The following NSD2 variants were observed in gnomAD, a reference collection of about 807,000 sequenced individuals.
NSD2 encodes nuclear receptor binding SET domain protein 2, also known as histone-lysine N-methyltransferase NSD2.
NSD2 carries 12 observed loss-of-function variants against 139.0 expected under a neutral mutation model. The observed-to-expected ratio is 0.09, with a 90% CI of 0.06 to 0.14. The LOEUF (loss-of-function observed/expected upper bound fraction) is 0.14, where lower values mean the gene tolerates loss of function less well. NSD2 is among the 10% of genes least tolerant of loss of function. The pLI, the probability that NSD2 is intolerant of heterozygous loss-of-function variation, is 1.00. For synonymous variants in NSD2, 669 were observed against 648.7 expected, an observed-to-expected ratio of 1.03 and a Z score of -0.48; for missense variants, 1,155 against 1,745.0, an observed-to-expected ratio of 0.66 and a Z score of 6.02.
intron 3 of NSD2, among the ~76,000 whole-genome samples, chr4:1,906,640 TTCTC>T (rs1325263180): frequency 4.0e-5 from 6 of 149,924 alleles, no homozygotes; most frequent in South Asian, 2.1e-4. Context: ...CCATTTTTAC[TTCTC>T]TCTCTCTCTC....
At chr4:1,965,051 C>CAAAAAAA (rs555374240) in intron 18 of NSD2, among the ~76,000 whole-genome samples, 5 of 47,176 alleles carry the variant, frequency 1.1e-4, no homozygotes, top group African/African-American at 2.3e-4. Context: ...CAGTGTTCAG[C>CAAAAAAA]AAAAAAAAAA....
intron 9 of NSD2, chr4:1,945,925 C>G (rs768846522): frequency 1.9e-4 from 206 of 1,057,472 alleles, no homozygotes; most frequent in Non-Finnish European, 2.2e-4. Flanking sequence ...TCTCTAACAT[C>G]TAGCCCTTTT....
rs1560836997 is a variant in NSD2, at chr4:1,980,542, T to G, written c.*1633T>G. On this transcript the variant is annotated 3_prime_UTR_variant, in exon 22 of 22. Coordinates refer to ENST00000508803, the MANE Select transcript of NSD2 (RefSeq NM_001042424.3). Reference sequence around the variant, plus strand: ...GCATCTTTTATGCCTTGGTAAAAACTGCAGTGTCTTTGGACCTGAGAGTGG... The same window carrying G: ...GCATCTTTTATGCCTTGGTAAAAACGGCAGTGTCTTTGGACCTGAGAGTGG... 4.3e-6 allele frequency: 1 copy of G among 233,248 alleles called. No homozygotes were observed. Among genetic ancestry groups the G allele is most frequent in the African/African-American group, 2.2e-5 (1 of 45,476 alleles). The allele number at this position is 233,248 out of a possible 1,614,324, so 14.4% of individuals were successfully genotyped here. A position where few individuals can be genotyped will look rare whatever the true frequency, so the allele number is the denominator to read the frequency against.
At chr4:1,969,366 A>G (rs1726203165) in intron 18 of NSD2, among the ~76,000 whole-genome samples, 1 of 152,132 alleles carries the variant, frequency 6.6e-6, no homozygotes, top group South Asian at 2.1e-4. Context: ...TACCCGCTCC[A>G]AGAAATCCGA....
intron 1 of NSD2, among the ~76,000 whole-genome samples, chr4:1,896,517 C>A (rs992536144): frequency 1.8e-4 from 27 of 152,210 alleles, no homozygotes; most frequent in Non-Finnish European, 1.5e-5. Flanking sequence ...TGTAGATGTG[C>A]GCCAGTGTGC....
At chr4:1,952,940 G>T in intron 11 of NSD2, 1 of 1,424,302 alleles carries the variant, frequency 7.0e-7, no homozygotes, top group Non-Finnish European at 9.1e-7. Context: ...ACTTATGGGA[G>T]TGTCTGTCTG....
chr4:1,961,510 GT>G (rs1395411309), intron 18 of NSD2, among the ~76,000 whole-genome samples: 84 of 152,298 alleles, frequency 5.5e-4, no homozygotes, highest in African/African-American at 2.0e-3. Context: ...TTAATTTTCA[GT>G]GCTCTTTGGG....
At position 1,942,476 on chromosome 4, in the gene NSD2, C is replaced by T. The variant is rs1025114728; in HGVS notation, c.1881+2698C>T. On this transcript the variant is annotated intron_variant, in intron 9 of 21. Transcript: ENST00000508803. This position sits in a 1 kb window ranked among gnomAD's most constrained non-coding sequence, Gnocchi z 4.0. Reference sequence around the variant, plus strand: ...CACTCAGTGACATTTCTATCACAATCATTTTATGGAAGATGTGTGATAATC... The same window carrying T: ...CACTCAGTGACATTTCTATCACAATTATTTTATGGAAGATGTGTGATAATC... 14 of 1,544,146 alleles carry T rather than the reference C, an allele frequency of 9.1e-6. No homozygotes were observed. The highest frequency in any genetic ancestry group is 1.7e-4 in the Middle Eastern group (1 of 5,828).
At chr4:1,916,826 C>G in intron 3 of NSD2, 45 bp from the exon 4 acceptor site, 1 of 1,570,284 alleles carries the variant, frequency 6.4e-7, no homozygotes, top group Non-Finnish European at 8.6e-7. Context: ...TAGTTTCATC[C>G]CAGATTCTAA....
At chr4:1,921,325 G>T (rs1008546775) in intron 5 of NSD2, among the ~76,000 whole-genome samples, 1 of 152,042 alleles carries the variant, frequency 6.6e-6, no homozygotes, top group Non-Finnish European at 1.5e-5. Context: ...TGGGCATGGT[G>T]GCGTGCGCCT....
At chr4:1,874,589 T>C (rs1714113574) in intron 1 of NSD2, among the ~76,000 whole-genome samples, 1 of 152,174 alleles carries the variant, frequency 6.6e-6, no homozygotes, top group Non-Finnish European at 1.5e-5. Context: ...CTCTCTGTTT[T>C]GTAAGTAATG....
intron 3 of NSD2, among the ~76,000 whole-genome samples, chr4:1,909,525 G>T (rs936739228): frequency 1.3e-5 from 2 of 152,136 alleles, no homozygotes; most frequent in Admixed American, 1.3e-4. Flanking sequence ...GGTGAGTGTC[G>T]TTGTTTTGGA....
intron 1 of NSD2, among the ~76,000 whole-genome samples, chr4:1,895,018 C>T (rs374461444): frequency 3.3e-5 from 5 of 152,104 alleles, no homozygotes; most frequent in Admixed American, 6.6e-5. Context: ...ACCTCATGTA[C>T]GTGGAATTTT....
intron 5 of NSD2, 102 bp from the exon 6 acceptor site, chr4:1,930,522 GAC>G: frequency 8.2e-7 from 1 of 1,226,546 alleles, no homozygotes; most frequent in Non-Finnish European, 1.1e-6. Context: ...ATAAAAATGC[GAC>G]ACACTAAGTT....
intron 1 of NSD2, among the ~76,000 whole-genome samples, chr4:1,898,530 G>A (rs575101070): frequency 1.3e-5 from 2 of 151,948 alleles, no homozygotes; most frequent in African/African-American, 2.4e-5. Context: ...CGGGCGTGGT[G>A]GTGGGCGCCT....
intron 1 of NSD2, among the ~76,000 whole-genome samples, 173 bp downstream of exon 1, chr4:1,871,715 C>T (rs1002897747): frequency 1.4e-5 from 2 of 144,946 alleles, no homozygotes; most frequent in Admixed American, 6.8e-5. Context: ...GGCTCAGGGG[C>T]TGGGGGACCG....
intron 5 of NSD2, among the ~76,000 whole-genome samples, chr4:1,919,644 A>G (rs1019203490): frequency 6.6e-6 from 1 of 152,094 alleles, no homozygotes; most frequent in African/African-American, 2.4e-5. Flanking sequence ...ATCAAAAACA[A>G]TAGTGTTGGC....
In NSD2 at chr4:1,918,428, G is replaced by C. The variant is rs369632306; in HGVS notation, c.1215G>C (p.Leu405=). 5 of 1,614,030 alleles carry C rather than the reference G, an allele frequency of 3.1e-6. No individual in the cohort carries two copies. Among genetic ancestry groups the C allele is most frequent in the Admixed American group, 3.3e-5 (2 of 59,990 alleles). ...TGAAGAGAAGGCGGAGGGCCAAACT[G>C]TGTAGCTCTGCAGAGACCCTGGAGA... ...IPMKRRRRAK[L]CSSAETLESH... Residue 405 remains leucine (L), a synonymous_variant, in exon 5 of 22, where the codon CTG becomes CTC. Coordinates refer to ENST00000508803, the MANE Select transcript of NSD2 (RefSeq NM_001042424.3).
At chr4:1,888,022 ATC>A (rs1168745993) in intron 1 of NSD2, among the ~76,000 whole-genome samples, 7 of 151,822 alleles carry the variant, frequency 4.6e-5, no homozygotes, top group Non-Finnish European at 1.0e-4. Context: ...GCGATGGACC[ATC>A]TGTTTTTTGC....
Sources: gnomAD v4.1 joint callset for allele counts (sites outside exome capture counted in the v4.1 genomes callset) on GRCh38, gnomAD v4.1.1 for gene constraint, Gnocchi (gnomAD v3.1) non-coding constraint, MANE v1.5 for transcripts, NCBI Gene and HGNC (gene_info 2026-07-23, HGNC 2026-07-21) for gene names.